PCDHGA2: variants seen among roughly 807,000 people sequenced by gnomAD.
PCDHGA2 encodes protocadherin gamma-A2.
Under a neutral mutation model 59.2 loss-of-function variants are expected in PCDHGA2, and 40 were observed. That is an observed-to-expected ratio of 0.68 (90% CI 0.52 to 0.88). The LOEUF (loss-of-function observed/expected upper bound fraction) is 0.88. Among genes scored for constraint, PCDHGA2 ranks in the 40% least tolerant of loss-of-function variants. The pLI is 0.00. For missense variants in PCDHGA2, 1,226 were observed against 1,204.0 expected (o/e 1.02, Z -0.27); for synonymous variants, 560 against 526.0 (o/e 1.06, Z -0.89).
chr5:141,365,250 T>C, intron 1 of PCDHGA2: 1 of 1,613,976 alleles, frequency 6.2e-7, no homozygotes, highest in Non-Finnish European at 8.5e-7. Flanking sequence ...CTACAATCAC[T>C]GGACTATGAA....
chr5:141,401,730 T>C (rs1448734124), intron 1 of PCDHGA2, among the ~76,000 whole-genome samples: 4 of 152,204 alleles, frequency 2.6e-5, no homozygotes, highest in African/African-American at 4.8e-5. Context: ...ACTACTAGTC[T>C]TGTGTACATA....
intron 1 of PCDHGA2, chr5:141,394,620 T>A: frequency 6.2e-7 from 1 of 1,613,124 alleles, no homozygotes; most frequent in Non-Finnish European, 8.5e-7. Context: ...CCAGAACGCC[T>A]GGCTGTCCTA....
intron 1 of PCDHGA2, among the ~76,000 whole-genome samples, chr5:141,484,184 AG>A (rs1328674334): frequency 6.6e-6 from 1 of 152,244 alleles, no homozygotes; most frequent in Non-Finnish European, 1.5e-5. Flanking sequence ...CAATCATTCA[AG>A]GAAGCTATTA....
chr5:141,371,007 C>G, intron 1 of PCDHGA2: 2 of 1,613,962 alleles, frequency 1.2e-6, no homozygotes, highest in African/African-American at 2.7e-5. Flanking sequence ...CAGGGAAGAG[C>G]AGCCACATCA....
chr5:141,400,333 C>T (rs538201613), intron 1 of PCDHGA2: 2 of 1,614,032 alleles, frequency 1.2e-6, no homozygotes, highest in East Asian at 2.2e-5. Context: ...ACCTGTGGTT[C>T]CCCCCAACTA....
chr5:141,490,597 C>T lies in PCDHGA2; in HGVS notation c.2425-4210C>T, dbSNP rs781077720. Reference sequence around the variant, plus strand: ...TTCAGATGTCAATGACAATGCACCCCGCTTCAACCAGCAGCTTTACACTGC... The same window carrying T: ...TTCAGATGTCAATGACAATGCACCCTGCTTCAACCAGCAGCTTTACACTGC... On this transcript the variant is annotated intron_variant, in intron 1 of 3. Coordinates refer to ENST00000394576, the MANE Select transcript of PCDHGA2 (RefSeq NM_018915.4). The surrounding 1 kb of genome is among the most constrained non-coding windows in gnomAD (Gnocchi z 5.4). The T allele has an allele frequency of 1.2e-5, 20 of 1,614,182 alleles. No homozygotes were observed. The highest frequency in any genetic ancestry group is 3.3e-5 in the Admixed American group (2 of 60,026).
chr5:141,352,344 T>A, intron 1 of PCDHGA2: 1 of 1,614,064 alleles, frequency 6.2e-7, no homozygotes, highest in East Asian at 2.2e-5. Flanking sequence ...TTGGCCTTGA[T>A]CTCAGTGCTC....
In PCDHGA2 at chr5:141,489,210, G is replaced by A; in HGVS notation, c.2425-5597G>A. ...TCTACCTTGGAGACAGGACAGCACAGACTTACTCTCCACAAAGGGACTTCT... is the reference window on the plus strand; with the variant it reads ...TCTACCTTGGAGACAGGACAGCACAAACTTACTCTCCACAAAGGGACTTCT... On this transcript the variant is annotated intron_variant, in intron 1 of 3. Coordinates refer to ENST00000394576, the MANE Select transcript of PCDHGA2 (RefSeq NM_018915.4). The surrounding 1 kb of genome is among the most constrained non-coding windows in gnomAD (Gnocchi z 4.5). 6 of 1,461,860 alleles carry A rather than the reference G, an allele frequency of 4.1e-6. No homozygotes were observed. Among genetic ancestry groups the A allele is most frequent in the Non-Finnish European group, 5.6e-6 (6 of 1,080,904 alleles). 90.6% of individuals were successfully genotyped at this position (1,461,860 alleles called of 1,614,324 possible). A position where few individuals can be genotyped will look rare whatever the true frequency, so the allele number is the denominator to read the frequency against.
intron 1 of PCDHGA2, chr5:141,403,462 C>A: frequency 6.2e-7 from 1 of 1,614,050 alleles, no homozygotes; most frequent in South Asian, 1.1e-5. Flanking sequence ...TCCAGAGCTA[C>A]CAGCTCAGCC....
At chr5:141,389,498 A>T (rs376900362) in intron 1 of PCDHGA2, 6 of 1,612,928 alleles carry the variant, frequency 3.7e-6, no homozygotes, top group African/African-American at 1.3e-5. Context: ...AGGGCTCGCC[A>T]GCGCTCAGCG....
intron 1 of PCDHGA2, among the ~76,000 whole-genome samples, chr5:141,353,878 T>G (rs1348721823): frequency 6.6e-6 from 1 of 152,244 alleles, no homozygotes; most frequent in Non-Finnish European, 1.5e-5. Flanking sequence ...TCTCAAAGTC[T>G]GAGGGTTTTT....
Position 141,365,477 on chromosome 5 carries a change from G to C in PCDHGA2, c.2424+24082G>C, listed in dbSNP as rs1313956190. ...TGATTCTGGAGAAAATGGTGAGATT[G>C]CATGCTCTATTCCTAGGAATTTGCC... On this transcript the variant is annotated intron_variant, in intron 1 of 3. Transcript: ENST00000394576. 3.7e-6 allele frequency: 6 copies of C among 1,613,876 alleles called. No individual in the cohort carries two copies. The African/African-American group carries it at 8.0e-5, about 22-fold the overall frequency.
intron 1 of PCDHGA2, among the ~76,000 whole-genome samples, chr5:141,461,978 C>T (rs888687367): frequency 2.6e-5 from 4 of 152,216 alleles, no homozygotes; most frequent in African/African-American, 9.6e-5. Flanking sequence ...CATATGCCAC[C>T]ACGCCAGGCT....
rs766387243 is a variant in PCDHGA2 at position 141,489,017 on chromosome 5, TCTC to T, written c.2425-5782_2425-5780del. The stretch of plus-strand genomic sequence containing the variant: ...GGGAGATCTGCTCTTCCAGCCCGCC[TCTC>T]CTCCTCCAGCTCCCCAGCTCCACTC... On this transcript the variant is annotated intron_variant, in intron 1 of 3. Transcript: ENST00000394576. This position sits in a 1 kb window ranked among gnomAD's most constrained non-coding sequence, Gnocchi z 4.5. 2 of 435,354 alleles carry T rather than the reference TCTC, an allele frequency of 4.6e-6. No individual in the cohort carries two copies. Among genetic ancestry groups the T allele is most frequent in the Non-Finnish European group, 8.1e-6 (2 of 247,876 alleles). The allele number at this position is 435,354 out of a possible 1,614,324, so 27.0% of individuals were successfully genotyped here. A position where few individuals can be genotyped will look rare whatever the true frequency, so the allele number is the denominator to read the frequency against.
Position 141,491,657 on chromosome 5 carries a change from A to T in PCDHGA2, c.2425-3150A>T. 1.2e-6 allele frequency: 2 copies of T among 1,613,740 alleles called. No homozygotes were observed. Among genetic ancestry groups the T allele is most frequent in the Non-Finnish European group, 1.7e-6 (2 of 1,180,006 alleles). On this transcript the variant is annotated intron_variant, in intron 1 of 3. Transcript: ENST00000394576. The surrounding 1 kb of genome is among the most constrained non-coding windows in gnomAD (Gnocchi z 6.9). ...CCCACAGCTCTGGCGCTGGAGCCTG[A>T]CGCCATCCGGTCCCGCTCTAATACG...
intron 1 of PCDHGA2, among the ~76,000 whole-genome samples, chr5:141,405,786 T>C (rs72790035): frequency 0.064 from 9,727 of 151,196 alleles, 364 homozygotes; most frequent in African/African-American, 0.1. Context: ...CCCTTAACTT[T>C]CTATTATAGT....
In PCDHGA2 at chr5:141,485,037, C is replaced by T. The variant is rs2099605532; in HGVS notation, c.2425-9770C>T. 1.0e-5 allele frequency: 7 copies of T among 702,746 alleles called. No individual in the cohort carries two copies. Among genetic ancestry groups the T allele is most frequent in the Non-Finnish European group, 1.5e-5 (6 of 402,836 alleles). 43.5% of individuals were successfully genotyped at this position (702,746 alleles called of 1,614,324 possible). A position where few individuals can be genotyped will look rare whatever the true frequency, so the allele number is the denominator to read the frequency against. ...GCCACCAGCAAAAACGGCGCGTAAC[C>T]CTTGCGGCGCCGGCCGAACCGCGCC... is the stretch of plus-strand genomic sequence containing the variant. On this transcript the variant is annotated intron_variant, in intron 1 of 3. Transcript: ENST00000394576. The surrounding 1 kb of genome is among the most constrained non-coding windows in gnomAD (Gnocchi z 5.7).
chr5:141,451,182 C>T (rs2154563496), intron 1 of PCDHGA2, among the ~76,000 whole-genome samples: 1 of 152,226 alleles, frequency 6.6e-6, no homozygotes, highest in Non-Finnish European at 1.5e-5. Flanking sequence ...TTAGCCATTG[C>T]TGTGTAACAA....
At chr5:141,418,128 T>C (rs1386757111) in intron 1 of PCDHGA2, 1 of 1,614,090 alleles carries the variant, frequency 6.2e-7, no homozygotes, top group South Asian at 1.1e-5. Flanking sequence ...AAGGACCGAA[T>C]AGACCGTGAG....
Sources: gnomAD v4.1 joint callset for allele counts (sites outside exome capture counted in the v4.1 genomes callset) on GRCh38, gnomAD v4.1.1 for gene constraint, Gnocchi (gnomAD v3.1) non-coding constraint, MANE v1.5 for transcripts, NCBI Gene and HGNC (gene_info 2026-07-23, HGNC 2026-07-21) for gene names.